Variants in FAM184B observed in about 807,000 individuals in gnomAD.
FAM184B encodes the protein protein FAM184B.
A neutral mutation model predicts 135.9 loss-of-function variants in FAM184B; 111 were observed. That is an observed-to-expected ratio of 0.82 (90% CI 0.70 to 0.96). The LOEUF is 0.96. Ranked by LOEUF, FAM184B falls within the 40% of genes least tolerant of loss-of-function variation. The pLI, the probability that FAM184B is intolerant of heterozygous loss-of-function variation, is 0.00. For missense variants in FAM184B, 1,375 were observed against 1,323.9 expected (o/e 1.04, Z -0.60); for synonymous variants, 552 against 524.8 (o/e 1.05, Z -0.71).
intron 14 of FAM184B, among the ~76,000 whole-genome samples, chr4:17,637,801 G>A (rs1448230100): frequency 1.3e-5 from 2 of 152,170 alleles, no homozygotes; most frequent in African/African-American, 4.8e-5. Context: ...ATCCTAAATG[G>A]TCTTGCTAGT....
chr4:17,673,834 G>A lies in FAM184B; in HGVS notation c.1597-9175C>T, dbSNP rs542006615. On this transcript the variant is annotated intron_variant, in intron 7 of 17. Coordinates refer to ENST00000265018, the MANE Select transcript of FAM184B (RefSeq NM_015688.2). ...TGCAGTGTATATTGCTCAGGTGATCGGTGTACCAAATCTCATAAATCACTG... is the reference window on the plus strand; with the variant it reads ...TGCAGTGTATATTGCTCAGGTGATCAGTGTACCAAATCTCATAAATCACTG... Among the ~76,000 whole-genome samples, 17 of 18,708 alleles carry A rather than the reference G, an allele frequency of 9.1e-4. No individual in the cohort carries two copies. The South Asian group carries it at 0.031, about 35-fold the overall frequency. 12.3% of individuals were successfully genotyped at this position (18,708 alleles called of 152,430 possible). A position where few individuals can be genotyped will look rare whatever the true frequency, so the allele number is the denominator to read the frequency against.
chr4:17,721,955 C>T (rs1481237237), intron 1 of FAM184B, among the ~76,000 whole-genome samples: 1 of 152,234 alleles, frequency 6.6e-6, no homozygotes, highest in Non-Finnish European at 1.5e-5. Flanking sequence ...CATCTCATAA[C>T]TGCATCTCTG....
At chr4:17,693,777 A>C (rs1344183210) in intron 5 of FAM184B, among the ~76,000 whole-genome samples, 4 of 152,194 alleles carry the variant, frequency 2.6e-5, no homozygotes, top group Non-Finnish European at 5.9e-5. Context: ...TAGGAAAAGC[A>C]GTACAAAATT....
chr4:17,765,478 G>A (rs1408011074), intron 1 of FAM184B, among the ~76,000 whole-genome samples: 1 of 152,014 alleles, frequency 6.6e-6, no homozygotes, highest in Non-Finnish European at 1.5e-5. Flanking sequence ...CACAATGAGG[G>A]ATTATCTCAA....
chr4:17,781,105 C>T lies in FAM184B; in HGVS notation c.141+54G>A, dbSNP rs2109001704. 6.8e-7 allele frequency: 1 copy of T among 1,464,558 alleles called. No homozygotes were observed. Among genetic ancestry groups the T allele is most frequent in the East Asian group, 2.7e-5 (1 of 36,988 alleles). The allele number at this position is 1,464,558 out of a possible 1,614,324, so 90.7% of individuals were successfully genotyped here. A position where few individuals can be genotyped will look rare whatever the true frequency, so the allele number is the denominator to read the frequency against. Reference sequence around the variant, plus strand: ...CCGGGAGGCGCATCCGCACTGACTCCCGGCTCGGGCGCCCCGGGCGTGCAG... The same window carrying T: ...CCGGGAGGCGCATCCGCACTGACTCTCGGCTCGGGCGCCCCGGGCGTGCAG... On this transcript the variant is annotated intron_variant, in intron 1 of 17. Transcript: ENST00000265018. The surrounding 1 kb of genome is among the most constrained non-coding windows in gnomAD (Gnocchi z 6.5).
intron 1 of FAM184B, among the ~76,000 whole-genome samples, chr4:17,720,582 GGTTT>G (rs1392316778): frequency 6.6e-6 from 1 of 152,010 alleles, no homozygotes; most frequent in African/African-American, 2.4e-5. Context: ...ACAGTATGCT[GGTTT>G]CTCAAAAAAT....
intron 8 of FAM184B, among the ~76,000 whole-genome samples, chr4:17,662,376 C>G (rs1197388648): frequency 6.8e-6 from 1 of 146,178 alleles, no homozygotes; most frequent in Non-Finnish European, 1.5e-5. Context: ...CTTGTTCTGT[C>G]ACACAGGCTG....
At chr4:17,711,611 C>T (rs534360011) in intron 1 of FAM184B, among the ~76,000 whole-genome samples, 2 of 151,812 alleles carry the variant, frequency 1.3e-5, no homozygotes, top group East Asian at 1.9e-4. Flanking sequence ...TACAGTGAGC[C>T]GTGATCCTGC....
In FAM184B at chr4:17,709,118, G is replaced by T; in HGVS notation, c.668C>A (p.Ala223Asp). 2.6e-6 allele frequency: 4 copies of T among 1,549,054 alleles called. No individual in the cohort carries two copies. The highest frequency in any genetic ancestry group is 3.5e-6 in the Non-Finnish European group (4 of 1,146,974). Residue 223 changes from alanine (A) to aspartate (D), a missense_variant, in exon 2 of 18, where the codon GCC becomes GAC. Ala to Asp is a moderately radical substitution (Grantham distance 126). Coordinates refer to ENST00000265018, the MANE Select transcript of FAM184B (RefSeq NM_015688.2). The stretch of plus-strand genomic sequence containing the variant: ...GGCCTCGTTTTCCCTCTCGTAGGTG[G>T]CCTGCAGCTCCTCGGCCTTGCGGGC... ...DYARKAEELQATYERENEAIR... is the reference protein window; with the variant it reads ...DYARKAEELQDTYERENEAIR...
intron 7 of FAM184B, among the ~76,000 whole-genome samples, chr4:17,682,084 G>A (rs1221958272): frequency 1.3e-5 from 2 of 152,138 alleles, no homozygotes; most frequent in African/African-American, 2.4e-5. Flanking sequence ...TATTTATAGA[G>A]ACGAGATGAC....
intron 12 of FAM184B, among the ~76,000 whole-genome samples, chr4:17,644,033 C>CCAGCATGAGATATGCTGGG (rs1401744022): frequency 6.6e-6 from 1 of 152,154 alleles, no homozygotes; most frequent in Non-Finnish European, 1.5e-5. Flanking sequence ...GGGAAGGCCC[C>CCAGCATGAGATATGCTGGG]CAGCATGAGA....
At chr4:17,643,512 C>A (rs1715381872) in intron 12 of FAM184B, among the ~76,000 whole-genome samples, 1 of 152,024 alleles carries the variant, frequency 6.6e-6, no homozygotes. Context: ...TGAACACTGA[C>A]TCCCTCCATG....
chr4:17,698,119 T>C (rs1012061701), intron 5 of FAM184B, among the ~76,000 whole-genome samples: 2 of 151,476 alleles, frequency 1.3e-5, no homozygotes, highest in African/African-American at 4.8e-5. Flanking sequence ...AAGACAAGGA[T>C]ATTGAGAAAA....
Position 17,633,736 on chromosome 4 carries a change from G to A in FAM184B, c.3042C>T (p.Gly1014=), listed in dbSNP as rs946759250. ...SPSLDPSPSC[G]RTYKPNQSTD... is the part of the protein sequence containing the mutation. ...TAGACTGGTTGGGTTTGTAGGTCCG[G>A]CCACAGCTGGGGCTTGGGTCCAAGC... The change falls in exon 17 of 18, where the codon GGC becomes GGT. Residue 1014 remains glycine, a synonymous_variant. Coordinates refer to ENST00000265018, the MANE Select transcript of FAM184B (RefSeq NM_015688.2). 2.2e-5 allele frequency: 34 copies of A among 1,550,064 alleles called. No homozygotes were observed. Among genetic ancestry groups the A allele is most frequent in the Non-Finnish European group, 2.6e-5 (30 of 1,146,310 alleles).
In FAM184B at chr4:17,709,004, T is replaced by C. The variant is rs1717184928; in HGVS notation, c.782A>G (p.Gln261Arg). The C allele has an allele frequency of 1.9e-6, 3 of 1,550,772 alleles. No homozygotes were observed. The highest frequency in any genetic ancestry group is 4.9e-5 in the East Asian group (2 of 40,856). The change falls in exon 2 of 18, where the codon CAG (glutamine) becomes CGG (arginine). Residue 261 changes from glutamine to arginine, a missense_variant. Gln to Arg is a conservative substitution (Grantham distance 43). Transcript: ENST00000265018. Reference sequence around the variant, plus strand: ...GACCTGAGCCTGCAGGGCTGACTCCTGGACCTGGAAGTTCTTGCGGAGGTC... The same window carrying C: ...GACCTGAGCCTGCAGGGCTGACTCCCGGACCTGGAAGTTCTTGCGGAGGTC... Reference protein sequence around the residue: ...ESDLRKNFQVQESALQAQVRK... With the variant: ...ESDLRKNFQVRESALQAQVRK...
chr4:17,648,646 T>A (rs1005946992), intron 11 of FAM184B, among the ~76,000 whole-genome samples: 1 of 152,074 alleles, frequency 6.6e-6, no homozygotes, highest in African/African-American at 2.4e-5. Context: ...TGAGCCACAG[T>A]ACCCGGCCAA....
At position 17,636,592 on chromosome 4, in the gene FAM184B, A is replaced by C. The variant is rs1715144914; in HGVS notation, c.2720T>G (p.Leu907Arg). 4 of 1,551,118 alleles carry C rather than the reference A, an allele frequency of 2.6e-6. No homozygotes were observed. In the East Asian group the frequency reaches 9.8e-5, roughly 38 times the overall value. Residue 907 changes from leucine to arginine, a missense_variant, in exon 15 of 18, where the codon CTT becomes CGT. Physicochemically the swap from Leu to Arg is moderately radical, Grantham distance 102. Coordinates refer to ENST00000265018, the MANE Select transcript of FAM184B (RefSeq NM_015688.2). ...GGTCTGCAGGCGGCCAATGAGCTGA[A>C]GGTCCTCGGGCCTGGACGCTCCCTT... ...PGKGASRPEDLQLIGRLQTRL... is the reference protein window; with the variant it reads ...PGKGASRPEDRQLIGRLQTRL...
intron 8 of FAM184B, 73 bp from the exon 9 acceptor site, chr4:17,660,160 C>G (rs1402191360): frequency 6.7e-7 from 1 of 1,495,346 alleles, no homozygotes; most frequent in Non-Finnish European, 9.0e-7. Flanking sequence ...CGATAACGTG[C>G]CAGCCACTGT....
At chr4:17,729,525 G>T (rs1038559984) in intron 1 of FAM184B, among the ~76,000 whole-genome samples, 1 of 152,168 alleles carries the variant, frequency 6.6e-6, no homozygotes, top group Admixed American at 6.5e-5. Flanking sequence ...CACCTCACAC[G>T]GCCAGGTACT....
Sources: allele counts gnomAD v4.1 joint callset (sites outside exome capture counted in the v4.1 genomes callset), GRCh38; gene constraint gnomAD v4.1.1; non-coding constraint Gnocchi (gnomAD v3.1); transcripts MANE v1.5; gene names NCBI Gene and HGNC (gene_info 2026-07-23, HGNC 2026-07-21).